Variants in PLCB1 observed in about 807,000 individuals in gnomAD.
PLCB1 encodes the protein 1-phosphatidylinositol 4,5-bisphosphate phosphodiesterase beta-1.
In PLCB1, 46 loss-of-function variants were observed where a neutral mutation model predicts 161.8. That is an observed-to-expected ratio of 0.28 (90% CI 0.22 to 0.36). PLCB1 has a LOEUF of 0.36. PLCB1 is among the 10% of genes least tolerant of loss of function. The probability of loss-of-function intolerance (pLI) is 1.00; values close to 1 mark genes in which losing one functional copy is unlikely to be tolerated. For synonymous variants in PLCB1, 517 were observed against 503.7 expected, an observed-to-expected ratio of 1.03 and a Z score of -0.35; for missense variants, 1,016 against 1,472.5, an observed-to-expected ratio of 0.69 and a Z score of 5.07.
chr20:8,160,281 T>A (rs989170878), intron 2 of PLCB1, among the ~76,000 whole-genome samples: 1 of 152,184 alleles, frequency 6.6e-6, no homozygotes, highest in Non-Finnish European at 1.5e-5. Flanking sequence ...CCTGTCTCCT[T>A]CTGAGCCTTC....
intron 18 of PLCB1, 97 bp from the exon 19 acceptor site, chr20:8,733,141 C>T: frequency 7.9e-7 from 1 of 1,262,628 alleles, no homozygotes; most frequent in South Asian, 1.3e-5. Flanking sequence ...GGAATACAGT[C>T]ACAAAAGTGG....
chr20:8,582,500 CT>C (rs1986864900), intron 3 of PLCB1, among the ~76,000 whole-genome samples: 1 of 152,162 alleles, frequency 6.6e-6, no homozygotes, highest in South Asian at 2.1e-4. Context: ...ACGTCCTTGC[CT>C]AGCTGCCTCT....
intron 2 of PLCB1, among the ~76,000 whole-genome samples, chr20:8,223,078 G>C (rs76356224): frequency 0.012 from 1,854 of 152,292 alleles, 43 homozygotes; most frequent in African/African-American, 0.042. Flanking sequence ...GTAGCTTGCA[G>C]CAGTGCCTCT....
At chr20:8,140,761 C>T (rs1026044472) in intron 1 of PLCB1, among the ~76,000 whole-genome samples, 6 of 151,968 alleles carry the variant, frequency 3.9e-5, no homozygotes, top group African/African-American at 1.5e-4. Context: ...CGAACAGGGT[C>T]CTTTTAGTAA....
At chr20:8,799,572 C>T (rs922035073) in intron 31 of PLCB1, among the ~76,000 whole-genome samples, 5 of 152,128 alleles carry the variant, frequency 3.3e-5, no homozygotes, top group Admixed American at 1.3e-4. Flanking sequence ...ATCAAACACA[C>T]ACATCCAAAC....
At chr20:8,867,685 CAGA>C (rs1359738399) in intron 31 of PLCB1, among the ~76,000 whole-genome samples, 1 of 152,184 alleles carries the variant, frequency 6.6e-6, no homozygotes, top group Non-Finnish European at 1.5e-5. Context: ...TAGTGACTTG[CAGA>C]CTCAGTTGGG....
rs1180924091 is a variant in PLCB1, at chr20:8,501,894, T to C, written c.247-126400T>C. 3.9e-5 allele frequency among the ~76,000 whole-genome samples: 4 copies of C among 102,900 alleles called. 1 individual carries two copies. The highest frequency in any genetic ancestry group is 3.1e-4 in the South Asian group (1 of 3,234). The allele number at this position is 102,900 out of a possible 152,430, so 67.5% of individuals were successfully genotyped here. On this transcript the variant is annotated intron_variant, in intron 3 of 31. Coordinates refer to ENST00000338037, the MANE Select transcript of PLCB1 (RefSeq NM_015192.4). ...ATATATATATATATATATATATATA[T>C]ATATATATATATATATATATATGAC...
intron 2 of PLCB1, among the ~76,000 whole-genome samples, chr20:8,348,038 T>C (rs940930193): frequency 1.3e-5 from 2 of 152,138 alleles, no homozygotes; most frequent in East Asian, 1.9e-4. Context: ...TGGTAAATCA[T>C]GTAACTGGAG....
At chr20:8,752,811 G>A (rs1183071958) in intron 23 of PLCB1, among the ~76,000 whole-genome samples, 1 of 150,156 alleles carries the variant, frequency 6.7e-6, no homozygotes, top group Non-Finnish European at 1.5e-5. Context: ...AAAAAAAAGT[G>A]TCTACAGCCC....
intron 2 of PLCB1, among the ~76,000 whole-genome samples, chr20:8,196,763 C>A (rs2052028897): frequency 1.3e-5 from 2 of 152,036 alleles, no homozygotes; most frequent in African/African-American, 4.8e-5. Flanking sequence ...TGGTGTGCTG[C>A]ACCCATTAAC....
chr20:8,714,114 A>G (rs1568570351), intron 12 of PLCB1, among the ~76,000 whole-genome samples: 1 of 152,040 alleles, frequency 6.6e-6, no homozygotes, highest in South Asian at 2.1e-4. Context: ...ACCTTAATCA[A>G]TCGCAGTGGT....
intron 3 of PLCB1, among the ~76,000 whole-genome samples, chr20:8,627,057 T>A (rs573778460): frequency 6.6e-5 from 10 of 152,324 alleles, no homozygotes; most frequent in Non-Finnish European, 1.5e-4. Context: ...TCTAGGAGGC[T>A]TGATGTACTT....
intron 2 of PLCB1, among the ~76,000 whole-genome samples, chr20:8,353,637 C>A (rs1201133690): frequency 1.3e-5 from 2 of 152,054 alleles, no homozygotes. Flanking sequence ...ACAACTTCAG[C>A]CTAATCATGA....
At chr20:8,409,266 G>C (rs1390773212) in intron 3 of PLCB1, among the ~76,000 whole-genome samples, 2 of 152,034 alleles carry the variant, frequency 1.3e-5, no homozygotes, top group African/African-American at 4.8e-5. Flanking sequence ...GTAGGGTCTT[G>C]ATGGAATTAA....
intron 31 of PLCB1, among the ~76,000 whole-genome samples, chr20:8,870,557 T>C (rs1390195559): frequency 6.6e-6 from 1 of 152,198 alleles, no homozygotes; most frequent in Non-Finnish European, 1.5e-5. Context: ...CATTTGGCTT[T>C]TGACTTGAAA....
chr20:8,776,309 G>T (rs1982940745), intron 27 of PLCB1, among the ~76,000 whole-genome samples: 1 of 152,158 alleles, frequency 6.6e-6, no homozygotes, highest in African/African-American at 2.4e-5. Context: ...TCCACAACTG[G>T]AAGGTGGTAC....
chr20:8,473,085 T>C (rs1000644057), intron 3 of PLCB1, among the ~76,000 whole-genome samples: 2 of 152,142 alleles, frequency 1.3e-5, no homozygotes, highest in Admixed American at 1.3e-4. Context: ...ACTCTAGCTC[T>C]AACTCTGTGA....
chr20:8,529,391 C>T (rs982534547), intron 3 of PLCB1, among the ~76,000 whole-genome samples: 1 of 152,118 alleles, frequency 6.6e-6, no homozygotes, highest in East Asian at 1.9e-4. Context: ...AGCAACACTT[C>T]CCCCAGAACC....
chr20:8,208,747 G>A (rs1016477134), intron 2 of PLCB1, among the ~76,000 whole-genome samples: 11 of 140,438 alleles, frequency 7.8e-5, no homozygotes, highest in African/African-American at 2.9e-4. Context: ...TATAGATGAG[G>A]ATGATAGTGA....
Sources: allele counts gnomAD v4.1 joint callset (sites outside exome capture counted in the v4.1 genomes callset), GRCh38; gene constraint gnomAD v4.1.1; transcripts MANE v1.5; gene names NCBI Gene and HGNC (gene_info 2026-07-23, HGNC 2026-07-21).